Variants in BNC2 observed in about 807,000 individuals in gnomAD.
BNC2 encodes the protein zinc finger protein basonuclin-2.
A neutral mutation model predicts 76.3 loss-of-function variants in BNC2; 20 were observed. That is an observed-to-expected ratio of 0.26 (90% CI 0.18 to 0.38). The LOEUF (loss-of-function observed/expected upper bound fraction) is 0.38. Ranked by LOEUF, BNC2 falls within the 10% of genes least tolerant of loss-of-function variation. The probability of loss-of-function intolerance (pLI) is 1.00; values close to 1 mark genes in which losing one functional copy is unlikely to be tolerated. For synonymous variants in BNC2, 582 were observed against 514.8 expected, an observed-to-expected ratio of 1.13 and a Z score of -1.77; for missense variants, 1,382 against 1,399.8, an observed-to-expected ratio of 0.99 and a Z score of 0.20.
intron 1 of BNC2, among the ~76,000 whole-genome samples, chr9:16,862,111 T>C (rs1819425285): frequency 6.6e-6 from 1 of 152,168 alleles, no homozygotes; most frequent in African/African-American, 2.4e-5. Flanking sequence ...AATTTGGAAG[T>C]TCCTCAAAAA....
chr9:16,601,835 G>GT (rs1331418419), intron 3 of BNC2, among the ~76,000 whole-genome samples: 1 of 152,078 alleles, frequency 6.6e-6, no homozygotes, highest in Non-Finnish European at 1.5e-5. Context: ...ACAACTGGCC[G>GT]TAACTGCAGT....
intron 3 of BNC2, among the ~76,000 whole-genome samples, chr9:16,719,112 T>C (rs1322618762): frequency 1.3e-5 from 2 of 152,192 alleles, no homozygotes. Flanking sequence ...AGGTCAACAA[T>C]GAGAATGTTT....
chr9:16,539,758 GGAAAGGAAAAGAAAGGAAAGGAAAGGA>G (rs1818256546), intron 5 of BNC2, among the ~76,000 whole-genome samples: 14 of 86,122 alleles, frequency 1.6e-4, no homozygotes, highest in African/African-American at 8.8e-4. Flanking sequence ...GGGAAGGAAA[GGAAAGGAAAAGAAAGGAAAGGAAAGGA>G]AAGGAAAGGA....
At chr9:16,837,894 C>T (rs1818742698) in intron 1 of BNC2, among the ~76,000 whole-genome samples, 1 of 152,000 alleles carries the variant, frequency 6.6e-6, no homozygotes, top group African/African-American at 2.4e-5. Flanking sequence ...TACCATTGCA[C>T]TCCAGCTTGG....
Position 16,626,761 on chromosome 9 carries a change from G to A in BNC2, c.331-43676C>T, listed in dbSNP as rs139184867. Among the ~76,000 whole-genome samples, 8 of 151,636 alleles carry A rather than the reference G, an allele frequency of 5.3e-5. No individual in the cohort carries two copies. The East Asian group carries it at 1.6e-3, about 29-fold the overall frequency. ...CGTAATCAGGCTCTCAAATGTCAAC[G>A]GTCCCCTCTGGAAGGAAGCGAGAAC... On this transcript the variant is annotated intron_variant, in intron 3 of 6. Coordinates refer to ENST00000380672, the MANE Select transcript of BNC2 (RefSeq NM_017637.6).
At chr9:16,521,644 G>A (rs913820234) in intron 5 of BNC2, among the ~76,000 whole-genome samples, 5 of 152,074 alleles carry the variant, frequency 3.3e-5, no homozygotes, top group Non-Finnish European at 7.4e-5. Flanking sequence ...ATGGTTTTTT[G>A]ACATGTATTT....
At position 16,416,484 on chromosome 9, in the gene BNC2, G is replaced by A. The variant is rs1255262483; in HGVS notation, c.*2505C>T. The A allele has an allele frequency of 6.6e-6, 1 of 152,444 alleles. No homozygotes were observed. The highest frequency in any genetic ancestry group is 1.5e-5 in the Non-Finnish European group (1 of 67,974). 9.4% of individuals were successfully genotyped at this position (152,444 alleles called of 1,614,324 possible). On this transcript the variant is annotated 3_prime_UTR_variant, in exon 7 of 7. Coordinates refer to ENST00000380672, the MANE Select transcript of BNC2 (RefSeq NM_017637.6). ...AGAGTCTTATATGGTATAAAACAAA[G>A]GAAAACATCTGTCTGTTCAATTTAA...
intron 4 of BNC2, among the ~76,000 whole-genome samples, chr9:16,579,294 T>C (rs1047237010): frequency 6.6e-6 from 1 of 152,044 alleles, no homozygotes; most frequent in African/African-American, 2.4e-5. Flanking sequence ...ATTTTTTTTT[T>C]ATTTTTGAGA....
At position 16,593,969 on chromosome 9, in the gene BNC2, T is replaced by C. The variant is rs148423715; in HGVS notation, c.331-10884A>G. Among the ~76,000 whole-genome samples, 113 of 152,274 alleles carry C rather than the reference T, an allele frequency of 7.4e-4. 1 individual carries two copies. The East Asian group carries it at 0.021, about 29-fold the overall frequency. On this transcript the variant is annotated intron_variant, in intron 3 of 6. Coordinates refer to ENST00000380672, the MANE Select transcript of BNC2 (RefSeq NM_017637.6). ...GTTGAATCAGCAATTTTGTATTCCATTGATATATATTTTATTCATTTTCAC... is the reference window on the plus strand; with the variant it reads ...GTTGAATCAGCAATTTTGTATTCCACTGATATATATTTTATTCATTTTCAC...
At chr9:16,840,315 C>G (rs2136085003) in intron 1 of BNC2, among the ~76,000 whole-genome samples, 1 of 152,290 alleles carries the variant, frequency 6.6e-6, no homozygotes, top group Middle Eastern at 3.4e-3. Flanking sequence ...CGCTCCTCTC[C>G]CTTTTGCTTT....
At chr9:16,620,186 C>T (rs912245456) in intron 3 of BNC2, among the ~76,000 whole-genome samples, 1 of 152,066 alleles carries the variant, frequency 6.6e-6, no homozygotes, top group African/African-American at 2.4e-5. Context: ...GTAGACAGAG[C>T]CAAAGGGAGA....
At chr9:16,839,347 A>G (rs1169690613) in intron 1 of BNC2, among the ~76,000 whole-genome samples, 1 of 152,232 alleles carries the variant, frequency 6.6e-6, no homozygotes, top group African/African-American at 2.4e-5. Context: ...ATACGGTAAA[A>G]GTTACACGCC....
intron 3 of BNC2, among the ~76,000 whole-genome samples, chr9:16,657,337 C>G (rs1340338054): frequency 6.6e-6 from 1 of 152,050 alleles, no homozygotes; most frequent in African/African-American, 2.4e-5. Context: ...AATCCAAAGA[C>G]TTAAAGGTGG....
chr9:16,806,440 AGGT>A (rs1817914453), intron 1 of BNC2, among the ~76,000 whole-genome samples: 1 of 152,200 alleles, frequency 6.6e-6, no homozygotes, highest in Non-Finnish European at 1.5e-5. Flanking sequence ...GCTATTTTGA[AGGT>A]TCACTTGGAA....
At chr9:16,848,715 A>C (rs1819051221) in intron 1 of BNC2, among the ~76,000 whole-genome samples, 1 of 152,200 alleles carries the variant, frequency 6.6e-6, no homozygotes, top group Non-Finnish European at 1.5e-5. Flanking sequence ...GATTTCAACT[A>C]ACACAAGAAA....
At chr9:16,591,637 T>G (rs1459091557) in intron 3 of BNC2, among the ~76,000 whole-genome samples, 3 of 152,174 alleles carry the variant, frequency 2.0e-5, no homozygotes, top group Non-Finnish European at 4.4e-5. Context: ...TTATAAATGT[T>G]AAGGGTCCAC....
intron 3 of BNC2, among the ~76,000 whole-genome samples, chr9:16,702,088 A>C (rs1823532470): frequency 6.6e-6 from 1 of 152,178 alleles, no homozygotes; most frequent in African/African-American, 2.4e-5. Context: ...TAAGTCCTTA[A>C]CTACCCTTTA....
At chr9:16,720,728 G>A (rs1035937553) in intron 3 of BNC2, among the ~76,000 whole-genome samples, 1 of 152,158 alleles carries the variant, frequency 6.6e-6, no homozygotes, top group Non-Finnish European at 1.5e-5. Context: ...AATAAGTTGA[G>A]AATTTGGTTC....
In BNC2 at chr9:16,716,526, G is replaced by A. The variant is rs1026044997; in HGVS notation, c.330+11271C>T. ...TTCATTATTCCCAATCAATCACAACGACACAGCATTTCTACCTATTAATGG... is the reference window on the plus strand; with the variant it reads ...TTCATTATTCCCAATCAATCACAACAACACAGCATTTCTACCTATTAATGG... On this transcript the variant is annotated intron_variant, in intron 3 of 6. Transcript: ENST00000380672. Among the ~76,000 whole-genome samples, 11 of 151,842 alleles carry A rather than the reference G, an allele frequency of 7.2e-5. No homozygotes were observed. The East Asian group carries it at 1.7e-3, about 24-fold the overall frequency.
Sources: allele counts gnomAD v4.1 joint callset (sites outside exome capture counted in the v4.1 genomes callset), GRCh38; gene constraint gnomAD v4.1.1; transcripts MANE v1.5; gene names NCBI Gene and HGNC (gene_info 2026-07-23, HGNC 2026-07-21).